Variants in NAV3 observed in about 807,000 individuals in gnomAD.
NAV3 encodes pore membrane and/or filament interacting like protein 1.
Under a neutral mutation model 244.7 loss-of-function variants are expected in NAV3, and 87 were observed. The observed-to-expected ratio is 0.36, with a 90% confidence interval of 0.30 to 0.42. The LOEUF is 0.42. Among genes scored for constraint, NAV3 ranks in the 20% least tolerant of loss-of-function variants. NAV3 has a pLI of 1.00. For missense variants in NAV3, 2,663 were observed against 2,893.3 expected (o/e 0.92, Z 1.83); for synonymous variants, 1,126 against 1,042.2 (o/e 1.08, Z -1.55).
intron 23 of NAV3, among the ~76,000 whole-genome samples, chr12:78,160,406 T>C (rs113596068): frequency 2.7e-4 from 37 of 138,904 alleles, no homozygotes; most frequent in African/African-American, 9.6e-4. Context: ...TGTGCGTGCG[T>C]GTGTGTGTGT....
At chr12:77,966,937 A>G (rs1304587650) in intron 4 of NAV3, among the ~76,000 whole-genome samples, 2 of 152,046 alleles carry the variant, frequency 1.3e-5, no homozygotes, top group African/African-American at 4.8e-5. Context: ...AGGTGGCAAA[A>G]GTTTGCAAAA....
chr12:77,669,234 A>C (rs575716747), intron 2 of NAV3, among the ~76,000 whole-genome samples: 70 of 152,286 alleles, frequency 4.6e-4, no homozygotes, highest in Non-Finnish European at 9.3e-4. Context: ...AAAATACACC[A>C]AAATCGGACC....
At chr12:77,904,864 C>G (rs954378490) in intron 1 of NAV3, among the ~76,000 whole-genome samples, 3 of 151,706 alleles carry the variant, frequency 2.0e-5, no homozygotes, top group African/African-American at 7.3e-5. Flanking sequence ...AATTTTTCTT[C>G]TATACTTTAT....
intron 1 of NAV3, among the ~76,000 whole-genome samples, chr12:77,847,466 C>G (rs1415879762): frequency 6.6e-6 from 1 of 152,082 alleles, no homozygotes; most frequent in Non-Finnish European, 1.5e-5. Flanking sequence ...CTATGTGAAT[C>G]AAGCTGAGAA....
rs141091607 is a variant in NAV3 at position 77,900,552 on chromosome 12, G to A, written c.244-39767G>A. The stretch of plus-strand genomic sequence containing the variant: ...TTATGGCTGCATAGTATTCCATGGC[G>A]TGTGCACATGCACACGCGTATGTGT... On this transcript the variant is annotated intron_variant, in intron 1 of 39. Transcript: ENST00000397909. Among the ~76,000 whole-genome samples the A allele has an allele frequency of 6.7e-4, 102 of 151,846 alleles. 1 individual carries two copies. The highest frequency in any genetic ancestry group is 2.0e-3 in the African/African-American group (84 of 41,472).
intron 1 of NAV3, among the ~76,000 whole-genome samples, chr12:77,873,773 T>TATATATATATATATATATAAAA (rs762527287): frequency 4.7e-5 from 6 of 128,622 alleles, no homozygotes; most frequent in African/African-American, 1.7e-4. Flanking sequence ...TATATGTATA[T>TATATATATATATATATATAAAA]AACAGCATAT....
chr12:77,837,932 T>C (rs1332775950), intron 1 of NAV3, among the ~76,000 whole-genome samples: 1 of 152,214 alleles, frequency 6.6e-6, no homozygotes, highest in Non-Finnish European at 1.5e-5. Flanking sequence ...AGTAGATCAC[T>C]GGCTCTGGCC....
At chr12:77,616,899 T>C (rs1239403864) in intron 2 of NAV3, among the ~76,000 whole-genome samples, 2 of 152,204 alleles carry the variant, frequency 1.3e-5, no homozygotes, top group East Asian at 3.9e-4. Flanking sequence ...AAGAGACTGC[T>C]AATAGACTTG....
intron 16 of NAV3, among the ~76,000 whole-genome samples, chr12:78,124,240 C>G (rs1324673157): frequency 6.6e-6 from 1 of 152,092 alleles, no homozygotes; most frequent in East Asian, 1.9e-4. Flanking sequence ...ACATTCAAAT[C>G]AAAACTAGAT....
intron 2 of NAV3, among the ~76,000 whole-genome samples, chr12:77,734,253 C>G (rs111423995): frequency 7.5e-4 from 114 of 151,902 alleles, no homozygotes; most frequent in Non-Finnish European, 1.5e-3. Context: ...TTTCGATGAA[C>G]CAGTCATTTC....
intron 35 of NAV3, among the ~76,000 whole-genome samples, chr12:78,198,399 C>A (rs1375875534): frequency 6.6e-6 from 1 of 151,806 alleles, no homozygotes; most frequent in Non-Finnish European, 1.5e-5. Flanking sequence ...AATGCCTTGC[C>A]TTGATTCCAG....
intron 22 of NAV3, among the ~76,000 whole-genome samples, chr12:78,154,313 G>GTTATATATTACTATATAATATATAA (rs1957208102): frequency 1.5e-5 from 2 of 130,482 alleles, no homozygotes; most frequent in African/African-American, 5.7e-5. Flanking sequence ...ATAATATATA[G>GTTATATATTACTATATAATATATAA]TATATATATA....
chr12:77,759,698 C>T (rs1869366145), intron 2 of NAV3, among the ~76,000 whole-genome samples: 1 of 152,170 alleles, frequency 6.6e-6, no homozygotes, highest in African/African-American at 2.4e-5. Context: ...GGGTAGTCAG[C>T]ACTCTACTAA....
intron 1 of NAV3, among the ~76,000 whole-genome samples, chr12:77,852,395 C>G (rs773371507): frequency 6.6e-6 from 1 of 151,920 alleles, no homozygotes; most frequent in Non-Finnish European, 1.5e-5. Flanking sequence ...CTTAACCGAG[C>G]GTAGTGGCAC....
rs796512477 is a variant in NAV3, at chr12:77,803,094, C to T, written c.73-137225C>T. 2.0e-5 allele frequency among the ~76,000 whole-genome samples: 3 copies of T among 152,290 alleles called. No homozygotes were observed. In the East Asian group the frequency reaches 5.8e-4, roughly 29 times the overall value. Reference sequence around the variant, plus strand: ...GCTTTCCCCTTTGCTGTATTTTTAACATTTTTTATTATACTTTATATTCTG... The same window carrying T: ...GCTTTCCCCTTTGCTGTATTTTTAATATTTTTTATTATACTTTATATTCTG... On this transcript the variant is annotated intron_variant, in intron 2 of 8. Transcript: ENST00000550042.
At chr12:77,827,639 T>C (rs1873150610), upstream of NAV3, among the ~76,000 whole-genome samples, 1 of 152,198 alleles carries the variant, frequency 6.6e-6, no homozygotes, top group Non-Finnish European at 1.5e-5. Context: ...ATGACCATAT[T>C]AGGCTTCATG....
At chr12:77,674,663 A>G (rs1874130081) in intron 2 of NAV3, among the ~76,000 whole-genome samples, 1 of 152,180 alleles carries the variant, frequency 6.6e-6, no homozygotes, top group Non-Finnish European at 1.5e-5. Context: ...GTGCTGAATT[A>G]TAGACATTAG....
intron 1 of NAV3, among the ~76,000 whole-genome samples, chr12:77,885,442 A>T (rs1420538310): frequency 6.6e-6 from 1 of 152,148 alleles, no homozygotes; most frequent in Non-Finnish European, 1.5e-5. Context: ...TACCTTACGC[A>T]GAATAAGTAC....
chr12:78,210,144 A>T (rs1303678674), intron 39 of NAV3, among the ~76,000 whole-genome samples: 2 of 152,094 alleles, frequency 1.3e-5, no homozygotes, highest in Admixed American at 1.3e-4. Context: ...TCCCTGCTGG[A>T]GCAGTATTCA....
Sources: allele counts gnomAD v4.1 joint callset (sites outside exome capture counted in the v4.1 genomes callset), GRCh38; gene constraint gnomAD v4.1.1; transcripts MANE v1.5; gene names NCBI Gene and HGNC (gene_info 2026-07-23, HGNC 2026-07-21).